Variants in CDC42 observed in about 807,000 individuals in gnomAD.
CDC42 encodes cell division cycle 42.
A neutral mutation model predicts 20.8 loss-of-function variants in CDC42; 1 was observed. That is an observed-to-expected ratio of 0.05 (90% CI 0.02 to 0.23). The LOEUF (loss-of-function observed/expected upper bound fraction) is 0.23, where lower values mean the gene tolerates loss of function less well. CDC42 is among the 10% of genes least tolerant of loss of function. The pLI, the probability that CDC42 is intolerant of heterozygous loss-of-function variation, is 1.00. For missense variants in CDC42, 49 were observed against 227.9 expected, an observed-to-expected ratio of 0.21 and a Z score of 5.05; for synonymous variants, 72 against 84.8, an observed-to-expected ratio of 0.85 and a Z score of 0.83.
Position 22,098,640 on chromosome 1 carries a change from A to T in CDC42, c.*7123A>T, listed in dbSNP as rs983948164. Among the ~76,000 whole-genome samples, 1 of 152,202 alleles carries T rather than the reference A, an allele frequency of 6.6e-6. No homozygotes were observed. The highest frequency in any genetic ancestry group is 1.5e-5 in the Non-Finnish European group (1 of 68,036). ...ATTTTTTAGAGGCATCACTTCTTTA[A>T]AGCCCATCAGATTAATGTGCCATTG... On this transcript the variant is annotated 3_prime_UTR_variant, in exon 6 of 6. Transcript: ENST00000656825.
At chr1:22,079,968 A>T (rs1388949561) in intron 2 of CDC42, among the ~76,000 whole-genome samples, 1 of 152,232 alleles carries the variant, frequency 6.6e-6, no homozygotes. Flanking sequence ...AGGTAAATGA[A>T]TGGACCATGA....
intron 1 of CDC42, among the ~76,000 whole-genome samples, chr1:22,069,096 A>C (rs980396103): frequency 2.0e-5 from 3 of 151,504 alleles, no homozygotes; most frequent in African/African-American, 7.3e-5. Flanking sequence ...TGAATGAATG[A>C]GTAGATGAAT....
intron 1 of CDC42, among the ~76,000 whole-genome samples, chr1:22,066,211 A>G (rs1213357319): frequency 6.6e-6 from 1 of 152,126 alleles, no homozygotes; most frequent in African/African-American, 2.4e-5. Flanking sequence ...AGAGCTTAAA[A>G]TCTATTAGAG....
At chr1:22,085,598 A>T (rs1645653860) in intron 3 of CDC42, among the ~76,000 whole-genome samples, 1 of 152,090 alleles carries the variant, frequency 6.6e-6, no homozygotes, top group Admixed American at 6.5e-5. Flanking sequence ...TTCTTTCAGC[A>T]GTTTTGAATT....
intron 1 of CDC42, among the ~76,000 whole-genome samples, chr1:22,062,279 T>A (rs1230464835): frequency 6.6e-6 from 1 of 152,198 alleles, no homozygotes; most frequent in Non-Finnish European, 1.5e-5. Flanking sequence ...TAAGACAAAT[T>A]GTTTGAGAAT....
In CDC42 at chr1:22,079,327, C is replaced by T. The variant is rs1013287322; in HGVS notation, c.105+744C>T. Among the ~76,000 whole-genome samples, 6 of 151,886 alleles carry T rather than the reference C, an allele frequency of 4.0e-5. No homozygotes were observed. The East Asian group carries it at 5.8e-4, about 15-fold the overall frequency. ...CTAATTTTTGTATTTTTAGTAGAAACGGGGTTTTACCATGTTGGCCAGGCT... is the reference window on the plus strand; with the variant it reads ...CTAATTTTTGTATTTTTAGTAGAAATGGGGTTTTACCATGTTGGCCAGGCT... On this transcript the variant is annotated intron_variant, in intron 2 of 5. Transcript: ENST00000656825.
intron 1 of CDC42, among the ~76,000 whole-genome samples, chr1:22,061,522 ATGTTTCTTTCTTTTTTTT>A (rs1645362900): frequency 8.3e-6 from 1 of 119,784 alleles, no homozygotes; most frequent in South Asian, 2.7e-4. Flanking sequence ...GTTTAACTTC[ATGTTTCTTTCTTTTTTTT>A]TTTTTTTTTT....
At position 22,076,432 on chromosome 1, in the gene CDC42, T is replaced by TACACAC. The variant is rs369972777; in HGVS notation, c.-50-1983_-50-1978dup. Among the ~76,000 whole-genome samples the TACACAC allele has an allele frequency of 4.3e-3, 643 of 149,572 alleles. 3 individuals carry two copies. The highest frequency in any genetic ancestry group is 6.5e-3 in the Admixed American group (98 of 14,976). ...GAGATCACGCCACTGCACTGACACATACACACACACACACACACAACAAGC... is the reference window on the plus strand; with the variant it reads ...GAGATCACGCCACTGCACTGACACATACACACACACACACACACACACACAACAAGC... On this transcript the variant is annotated intron_variant, in intron 1 of 5. Coordinates refer to ENST00000656825, the MANE Select transcript of CDC42 (RefSeq NM_001791.4).
Position 22,072,440 on chromosome 1 carries a change from C to T in CDC42, c.-50-5989C>T, listed in dbSNP as rs139291752. Among the ~76,000 whole-genome samples the T allele has an allele frequency of 3.5e-4, 53 of 152,072 alleles. No individual in the cohort carries two copies. The East Asian group carries it at 8.3e-3, about 24-fold the overall frequency. ...CCTTTGTCATAAAGGGTACAACTCACGAACAGCCAAATGGAAGAGATACAT... is the reference window on the plus strand; with the variant it reads ...CCTTTGTCATAAAGGGTACAACTCATGAACAGCCAAATGGAAGAGATACAT... On this transcript the variant is annotated intron_variant, in intron 1 of 5. Coordinates refer to ENST00000656825, the MANE Select transcript of CDC42 (RefSeq NM_001791.4).
chr1:22,058,046 C>T (rs1191919901), intron 1 of CDC42, among the ~76,000 whole-genome samples: 1 of 152,088 alleles, frequency 6.6e-6, no homozygotes, highest in African/African-American at 2.4e-5. Flanking sequence ...CATTTTTATC[C>T]GTTACCTTTA....
chr1:22,069,754 G>A (rs780108902), intron 1 of CDC42, among the ~76,000 whole-genome samples: 1 of 151,162 alleles, frequency 6.6e-6, no homozygotes. Context: ...GGCGTGAGCC[G>A]CCACACCCAG....
In CDC42 at chr1:22,094,102, A is replaced by T. The variant is rs917238669; in HGVS notation, c.*2585A>T. On this transcript the variant is annotated 3_prime_UTR_variant, in exon 6 of 6. Coordinates refer to ENST00000656825, the MANE Select transcript of CDC42 (RefSeq NM_001791.4). ...CCATTTAAATATTGTTTTCTATTTGACGTAACAAACTTGCTTATAGTCGTG... is the reference window on the plus strand; with the variant it reads ...CCATTTAAATATTGTTTTCTATTTGTCGTAACAAACTTGCTTATAGTCGTG... Among the ~76,000 whole-genome samples, 4 of 152,010 alleles carry T rather than the reference A, an allele frequency of 2.6e-5. No individual in the cohort carries two copies. The highest frequency in any genetic ancestry group is 9.7e-5 in the African/African-American group (4 of 41,390).
rs1645777179 is a variant in CDC42, at chr1:22,099,619, G to A, written c.*8102G>A. On this transcript the variant is annotated 3_prime_UTR_variant, in exon 6 of 6. Coordinates refer to ENST00000656825, the MANE Select transcript of CDC42 (RefSeq NM_001791.4). ...GCAGCATAAAAGGCTTCATCTGTAA[G>A]GGTAGGTTTGTTGGGTAGGAGCTTT... Among the ~76,000 whole-genome samples, 1 of 152,198 alleles carries A rather than the reference G, an allele frequency of 6.6e-6. No individual in the cohort carries two copies.
chr1:22,058,898 T>C (rs1482654116), intron 1 of CDC42, among the ~76,000 whole-genome samples: 1 of 152,098 alleles, frequency 6.6e-6, no homozygotes, highest in East Asian at 1.9e-4. Flanking sequence ...CACTGTAACC[T>C]TGAACTCCTG....
rs1452838254 is a variant in CDC42, at chr1:22,097,936, CTGAAGTAGAAGT to C, written c.*6420_*6431del. 2.0e-5 allele frequency among the ~76,000 whole-genome samples: 3 copies of C among 152,176 alleles called. No individual in the cohort carries two copies. Among genetic ancestry groups the C allele is most frequent in the Non-Finnish European group, 2.9e-5 (2 of 68,028 alleles). ...TGGATTTTGGGTCCACCATGCATCT[CTGAAGTAGAAGT>C]GACAGATTTTCAAGGCTAAGGTAAG... On this transcript the variant is annotated 3_prime_UTR_variant, in exon 6 of 6. Coordinates refer to ENST00000656825, the MANE Select transcript of CDC42 (RefSeq NM_001791.4).
chr1:22,079,293 C>T (rs540871794), intron 2 of CDC42, among the ~76,000 whole-genome samples: 1 of 152,176 alleles, frequency 6.6e-6, no homozygotes, highest in African/African-American at 2.4e-5. Flanking sequence ...CGCCCGCCAC[C>T]ACGCCTTTCT....
intron 5 of CDC42, chr1:22,089,888 T>A: frequency 6.4e-7 from 1 of 1,574,152 alleles, no homozygotes; most frequent in Non-Finnish European, 8.7e-7. Context: ...TACCTGCTAG[T>A]CTTTCTAATC....
chr1:22,073,620 T>C (rs1355585073), intron 1 of CDC42, among the ~76,000 whole-genome samples: 3 of 151,958 alleles, frequency 2.0e-5, no homozygotes, highest in Non-Finnish European at 2.9e-5. Flanking sequence ...AAGGAAGATA[T>C]ACCTTATTTC....
rs1289176653 is a variant in CDC42 at position 22,096,830 on chromosome 1, A to G, written c.*5313A>G. ...TTCCAAAGCAAGGCATTTGGTTGCT[A>G]CCTGCTAGAACTGTTACAGTAAATA... is the stretch of plus-strand genomic sequence containing the variant. On this transcript the variant is annotated 3_prime_UTR_variant, in exon 6 of 6. Coordinates refer to ENST00000656825, the MANE Select transcript of CDC42 (RefSeq NM_001791.4). Among the ~76,000 whole-genome samples the G allele has an allele frequency of 2.0e-5, 3 of 152,392 alleles. No homozygotes were observed. The highest frequency in any genetic ancestry group is 2.1e-4 in the South Asian group (1 of 4,834).
Sources: allele counts gnomAD v4.1 joint callset (sites outside exome capture counted in the v4.1 genomes callset), GRCh38; gene constraint gnomAD v4.1.1; transcripts MANE v1.5; gene names NCBI Gene and HGNC (gene_info 2026-07-23, HGNC 2026-07-21).